The following PTPRG variants were observed in gnomAD, a reference collection of about 807,000 sequenced individuals.
The protein encoded by PTPRG is receptor-type tyrosine-protein phosphatase gamma.
In PTPRG, 102 loss-of-function variants were observed where a neutral mutation model predicts 165.3. The observed-to-expected ratio is 0.62, with a 90% CI of 0.53 to 0.73. The LOEUF is 0.73. Among genes scored for constraint, PTPRG ranks in the 30% least tolerant of loss-of-function variants. PTPRG has a pLI of 0.00. For missense variants in PTPRG, 1,866 were observed against 1,861.4 expected (o/e 1.00, Z -0.05); for synonymous variants, 675 against 669.5 (o/e 1.01, Z -0.13).
intron 1 of PTPRG, among the ~76,000 whole-genome samples, chr3:61,621,117 A>G (rs1701447492): frequency 6.7e-6 from 1 of 150,154 alleles, no homozygotes; most frequent in African/African-American, 2.5e-5. Flanking sequence ...CTAAAATCCT[A>G]TGAAAATTAT....
chr3:61,923,913 G>C (rs1201019148), intron 2 of PTPRG, among the ~76,000 whole-genome samples: 1 of 151,898 alleles, frequency 6.6e-6, no homozygotes, highest in African/African-American at 2.4e-5. Flanking sequence ...ATTTTATCAA[G>C]TAAACGATTC....
chr3:61,891,443 T>G (rs1559672944), intron 2 of PTPRG, among the ~76,000 whole-genome samples: 1 of 152,236 alleles, frequency 6.6e-6, no homozygotes, highest in East Asian at 1.9e-4. Flanking sequence ...TGTGGAGATT[T>G]TCTATGTGTA....
chr3:61,778,738 A>G (rs534771529), intron 2 of PTPRG, among the ~76,000 whole-genome samples: 8 of 152,298 alleles, frequency 5.3e-5, no homozygotes, highest in Middle Eastern at 3.4e-3. Context: ...TCTCAGATAG[A>G]TAACAGCAGC....
chr3:62,082,898 G>T (rs1272307593), intron 5 of PTPRG, among the ~76,000 whole-genome samples: 33 of 152,190 alleles, frequency 2.2e-4, no homozygotes, highest in Non-Finnish European at 1.5e-5. Flanking sequence ...TCACATGGTA[G>T]TAATGTGTCT....
At chr3:61,876,657 C>A (rs938307573) in intron 2 of PTPRG, among the ~76,000 whole-genome samples, 12 of 152,034 alleles carry the variant, frequency 7.9e-5, no homozygotes, top group African/African-American at 2.7e-4. Context: ...ATCTGTAATC[C>A]CAGCACTTTG....
chr3:61,745,112 G>T (rs1310972034), intron 1 of PTPRG, among the ~76,000 whole-genome samples: 1 of 146,108 alleles, frequency 6.8e-6, no homozygotes, highest in East Asian at 2.0e-4. Flanking sequence ...GTGCAGTGGC[G>T]TGATCTCGGC....
intron 13 of PTPRG, among the ~76,000 whole-genome samples, chr3:62,226,857 TTTACTC>T (rs1367115242): frequency 3.9e-5 from 6 of 152,190 alleles, no homozygotes; most frequent in South Asian, 4.1e-4. Context: ...AGGTCTCTCT[TTTACTC>T]TAAGTCCCAT....
At chr3:61,764,486 A>G (rs554705128) in intron 2 of PTPRG, among the ~76,000 whole-genome samples, 1 of 152,334 alleles carries the variant, frequency 6.6e-6, no homozygotes, top group South Asian at 2.1e-4. Flanking sequence ...AACATGTAGT[A>G]TCATCACATC....
intron 1 of PTPRG, among the ~76,000 whole-genome samples, chr3:61,678,268 A>T (rs1253091509): frequency 6.6e-6 from 1 of 152,188 alleles, no homozygotes; most frequent in Admixed American, 6.5e-5. Context: ...AACTGTTCTG[A>T]ATACTTGAAG....
chr3:62,221,435 C>T (rs1700648942), intron 13 of PTPRG, among the ~76,000 whole-genome samples: 1 of 152,176 alleles, frequency 6.6e-6, no homozygotes, highest in African/African-American at 2.4e-5. Flanking sequence ...GCTAAGCATA[C>T]AGCCTAGAGG....
At chr3:61,915,105 T>G (rs905293025) in intron 2 of PTPRG, among the ~76,000 whole-genome samples, 11 of 152,140 alleles carry the variant, frequency 7.2e-5, no homozygotes, top group African/African-American at 2.4e-4. Context: ...GGTGCGTGCC[T>G]GTAGTCCCAG....
chr3:61,643,507 C>T (rs1021255543), intron 1 of PTPRG, among the ~76,000 whole-genome samples: 3 of 152,134 alleles, frequency 2.0e-5, no homozygotes, highest in Non-Finnish European at 4.4e-5. Flanking sequence ...TGGCTGGGCG[C>T]GGTGGCTCAT....
At chr3:62,209,292 C>T (rs113153985) in intron 12 of PTPRG, among the ~76,000 whole-genome samples, 2,047 of 152,146 alleles carry the variant, frequency 0.013, 56 homozygotes, top group African/African-American at 0.047. Flanking sequence ...CGTCATATGG[C>T]GCACAGGACA....
chr3:61,832,381 A>G (rs946377825), intron 2 of PTPRG, among the ~76,000 whole-genome samples: 1 of 152,204 alleles, frequency 6.6e-6, no homozygotes, highest in Non-Finnish European at 1.5e-5. Context: ...TCATAACCCT[A>G]TGAGATAGGT....
chr3:62,203,395 T>C lies in PTPRG; in HGVS notation c.1600T>C (p.Trp534Arg). ...CATCTCCTCTTTCCCCAGCACTGTG[T>C]GGCCCACGCGCCTCCCGACGGCCGC... Reference protein sequence around the residue: ...GGISSFPSTVWPTRLPTAASA... With the variant: ...GGISSFPSTVRPTRLPTAASA... The change falls in exon 12 of 30, where the codon TGG becomes CGG. Residue 534 changes from tryptophan to arginine, a missense_variant. This residue lies in a region of PTPRG where 1,452 missense variants were observed against 1,463.0 expected (regional missense o/e 0.99). Coordinates refer to ENST00000474889, the MANE Select transcript of PTPRG (RefSeq NM_002841.4). The surrounding 1 kb of genome is among the most constrained non-coding windows in gnomAD (Gnocchi z 6.4). The C allele has an allele frequency of 1.2e-6, 2 of 1,613,356 alleles. No homozygotes were observed. The highest frequency in any genetic ancestry group is 2.7e-5 in the African/African-American group (2 of 75,022).
intron 2 of PTPRG, among the ~76,000 whole-genome samples, chr3:61,760,778 C>A (rs2106964632): frequency 6.6e-6 from 1 of 152,226 alleles, no homozygotes; most frequent in South Asian, 2.1e-4. Context: ...CTCTCCAGGC[C>A]CCAGTGTGTG....
At chr3:61,563,193 G>A (rs1364942161) in intron 1 of PTPRG, among the ~76,000 whole-genome samples, 1 of 152,082 alleles carries the variant, frequency 6.6e-6, no homozygotes, top group Non-Finnish European at 1.5e-5. Flanking sequence ...TGTTCGCGCC[G>A]GGGCTGATTT....
intron 2 of PTPRG, among the ~76,000 whole-genome samples, chr3:61,972,725 T>C (rs1409849511): frequency 6.6e-6 from 1 of 151,442 alleles, no homozygotes; most frequent in East Asian, 1.9e-4. Flanking sequence ...GAATCATGGC[T>C]TACTGCAGCC....
intron 4 of PTPRG, among the ~76,000 whole-genome samples, chr3:62,055,208 A>T (rs917936059): frequency 2.0e-5 from 3 of 152,236 alleles, no homozygotes; most frequent in Non-Finnish European, 4.4e-5. Context: ...TTAAAGCAGT[A>T]ATTAATATAG....
Sources: gnomAD v4.1 joint callset for allele counts (sites outside exome capture counted in the v4.1 genomes callset) on GRCh38, gnomAD v4.1.1 for gene constraint, gnomAD v4.1.1 regional missense constraint, Gnocchi (gnomAD v3.1) non-coding constraint, MANE v1.5 for transcripts, NCBI Gene and HGNC (gene_info 2026-07-23, HGNC 2026-07-21) for gene names.